Variants in ATP8A2 observed in about 807,000 individuals in gnomAD.
ATP8A2 encodes the protein ATPase phospholipid transporting 8A2.
A neutral mutation model predicts 165.6 loss-of-function variants in ATP8A2; 100 were observed. The ratio of observed to expected loss-of-function variants is 0.60; its 90% CI spans 0.51 to 0.71. The LOEUF (loss-of-function observed/expected upper bound fraction) is 0.71, where lower values mean the gene tolerates loss of function less well. ATP8A2 is among the 30% of genes least tolerant of loss of function. The probability of loss-of-function intolerance (pLI) is 0.00; values close to 1 mark genes in which losing one functional copy is unlikely to be tolerated. For missense variants in ATP8A2, 1,227 were observed against 1,479.5 expected (o/e 0.83, Z 2.80); for synonymous variants, 543 against 548.8 (o/e 0.99, Z 0.15).
At chr13:25,983,283 A>T (rs1422124412) in intron 35 of ATP8A2, among the ~76,000 whole-genome samples, 1 of 152,242 alleles carries the variant, frequency 6.6e-6, no homozygotes, top group African/African-American at 2.4e-5. Flanking sequence ...CAACAACAAA[A>T]GAAAATGAAG....
intron 33 of ATP8A2, chr13:25,880,948 T>C (rs1952961769): frequency 2.2e-6 from 1 of 456,528 alleles, no homozygotes. Flanking sequence ...AAATTCAGCA[T>C]GAAAGCCTTT....
chr13:25,424,261 T>C (rs2034380413), intron 1 of ATP8A2, among the ~76,000 whole-genome samples: 1 of 152,230 alleles, frequency 6.6e-6, no homozygotes, highest in Non-Finnish European at 1.5e-5. Context: ...AATGATTCCA[T>C]GTTTCCACTC....
chr13:25,871,756 C>T (rs946178216), intron 33 of ATP8A2, among the ~76,000 whole-genome samples: 7 of 152,060 alleles, frequency 4.6e-5, no homozygotes, highest in Non-Finnish European at 8.8e-5. Context: ...CTTTGATTAG[C>T]CAGCTGTCAT....
At chr13:25,450,520 A>T (rs2035185180) in intron 1 of ATP8A2, among the ~76,000 whole-genome samples, 2 of 136,036 alleles carry the variant, frequency 1.5e-5, no homozygotes, top group Non-Finnish European at 3.3e-5. Context: ...AGCCATTCTG[A>T]CTGGTCTTTG....
rs781411753 is a variant in ATP8A2 at position 25,611,291 on chromosome 13, T to C, written c.2211+21592T>C. The stretch of plus-strand genomic sequence containing the variant: ...AATATTTTTGACTGTGGGTTTGTCA[T>C]AGATGACTTTACATTGAGGTATGTC... On this transcript the variant is annotated intron_variant, in intron 24 of 36. Transcript: ENST00000381655. 6.4e-4 allele frequency among the ~76,000 whole-genome samples: 97 copies of C among 152,274 alleles called. 1 individual carries two copies. Among genetic ancestry groups the C allele is most frequent in the Admixed American group, 1.4e-3 (21 of 15,296 alleles).
chr13:25,896,639 A>C (rs558700228), intron 33 of ATP8A2, among the ~76,000 whole-genome samples: 2 of 152,300 alleles, frequency 1.3e-5, no homozygotes, highest in East Asian at 3.9e-4. Context: ...GGGGTGTTAA[A>C]GTCTCCCATT....
At chr13:25,509,540 C>T (rs949844058) in intron 2 of ATP8A2, among the ~76,000 whole-genome samples, 15 of 151,778 alleles carry the variant, frequency 9.9e-5, no homozygotes, top group African/African-American at 3.4e-4. Flanking sequence ...TTCTGGATAA[C>T]GTGATGTATT....
chr13:25,845,547 T>C (rs190172964), intron 30 of ATP8A2, among the ~76,000 whole-genome samples: 26 of 152,316 alleles, frequency 1.7e-4, no homozygotes, highest in African/African-American at 5.5e-4. Flanking sequence ...TGGGTACTAA[T>C]TACGCAACTG....
intron 34 of ATP8A2, among the ~76,000 whole-genome samples, chr13:25,968,325 C>T (rs1317552822): frequency 1.3e-5 from 2 of 152,138 alleles, no homozygotes; most frequent in East Asian, 3.9e-4. Flanking sequence ...GGCCGACTTC[C>T]GGTTCTTTGC....
At chr13:25,996,764 A>T (rs530086451) in intron 35 of ATP8A2, among the ~76,000 whole-genome samples, 1 of 151,924 alleles carries the variant, frequency 6.6e-6, no homozygotes, top group South Asian at 2.1e-4. Flanking sequence ...GCTCACCGCA[A>T]CCTCTACCTC....
At chr13:25,420,878 A>C (rs536517436) in intron 1 of ATP8A2, among the ~76,000 whole-genome samples, 2 of 152,338 alleles carry the variant, frequency 1.3e-5, no homozygotes, top group South Asian at 4.1e-4. Context: ...ATTAAATGAC[A>C]AATTTAAGGT....
At chr13:25,984,903 C>T (rs1361798045) in intron 35 of ATP8A2, among the ~76,000 whole-genome samples, 3 of 152,188 alleles carry the variant, frequency 2.0e-5, no homozygotes, top group Non-Finnish European at 2.9e-5. Flanking sequence ...ACACATACTT[C>T]ATTTGAGATT....
intron 13 of ATP8A2, among the ~76,000 whole-genome samples, chr13:25,555,930 A>G (rs1345774182): frequency 2.9e-5 from 4 of 139,336 alleles, no homozygotes; most frequent in African/African-American, 1.1e-4. Context: ...AGCTCCATGC[A>G]TGTTGCTGCA....
chr13:25,393,591 T>A (rs2033321901), intron 1 of ATP8A2, among the ~76,000 whole-genome samples: 1 of 152,244 alleles, frequency 6.6e-6, no homozygotes, highest in Non-Finnish European at 1.5e-5. Context: ...AACTTTTGTA[T>A]TTTTAGTAGA....
chr13:25,774,809 A>G lies in ATP8A2; in HGVS notation c.2569-40A>G, dbSNP rs376432506. 1.1e-5 allele frequency: 13 copies of G among 1,200,166 alleles called. No homozygotes were observed. In the African/African-American group the frequency reaches 1.4e-4, roughly 13 times the overall value. 74.3% of individuals were successfully genotyped at this position (1,200,166 alleles called of 1,614,324 possible). A position where few individuals can be genotyped will look rare whatever the true frequency, so the allele number is the denominator to read the frequency against. Reference sequence around the variant, plus strand: ...TTCTGTTTGTGACTTTTATTCCTCAATGATGGGCTCTTCTGAGCTTTGTAA... The same window carrying G: ...TTCTGTTTGTGACTTTTATTCCTCAGTGATGGGCTCTTCTGAGCTTTGTAA... On this transcript the variant is annotated intron_variant, in intron 26 of 36. Transcript: ENST00000381655.
intron 33 of ATP8A2, among the ~76,000 whole-genome samples, chr13:25,945,947 G>T (rs1955198310): frequency 6.6e-6 from 1 of 152,130 alleles, no homozygotes; most frequent in Non-Finnish European, 1.5e-5. Flanking sequence ...GAAGGAAGAA[G>T]TATATGCTTA....
At chr13:25,443,219 G>A (rs1293727464) in intron 1 of ATP8A2, among the ~76,000 whole-genome samples, 2 of 152,172 alleles carry the variant, frequency 1.3e-5, no homozygotes, top group African/African-American at 4.8e-5. Context: ...GAAACCTACT[G>A]AATAAAAGTT....
chr13:25,414,186 G>GTTT (rs10528594), intron 1 of ATP8A2, among the ~76,000 whole-genome samples: 118 of 119,054 alleles, frequency 9.9e-4, no homozygotes, highest in African/African-American at 2.0e-3. Context: ...GGGCTGTGGT[G>GTTT]TTTTTTTTTT....
At chr13:25,664,383 C>T (rs1464722087) in intron 24 of ATP8A2, among the ~76,000 whole-genome samples, 1 of 152,154 alleles carries the variant, frequency 6.6e-6, no homozygotes, top group Non-Finnish European at 1.5e-5. Flanking sequence ...TTTCCTTCCT[C>T]ACCCACGCCT....
Sources: gnomAD v4.1 joint callset for allele counts (sites outside exome capture counted in the v4.1 genomes callset) on GRCh38, gnomAD v4.1.1 for gene constraint, MANE v1.5 for transcripts, NCBI Gene and HGNC (gene_info 2026-07-23, HGNC 2026-07-21) for gene names.